The following PSEN1 variants were observed in gnomAD, a reference collection of about 807,000 sequenced individuals.
The protein encoded by PSEN1 is presenilin 1.
Under a neutral mutation model 53.5 loss-of-function variants are expected in PSEN1, and 15 were observed. The observed-to-expected ratio is 0.28, with a 90% CI of 0.19 to 0.43. The LOEUF (loss-of-function observed/expected upper bound fraction) is 0.43. Among genes scored for constraint, PSEN1 ranks in the 20% least tolerant of loss-of-function variants. The pLI, the probability that PSEN1 is intolerant of heterozygous loss-of-function variation, is 1.00. For missense variants in PSEN1, 387 were observed against 571.2 expected (o/e 0.68, Z 3.29); for synonymous variants, 208 against 209.8 (o/e 0.99, Z 0.08).
intron 1 of PSEN1, 174 bp from the exon 2 acceptor site, chr14:73,147,621 C>T: frequency 3.9e-6 from 1 of 254,310 alleles, no homozygotes; most frequent in Admixed American, 5.1e-5. Context: ...GGCGGTTCTA[C>T]TTATTGCTAA....
At chr14:73,164,606 A>G (rs1285685230) in intron 3 of PSEN1, among the ~76,000 whole-genome samples, 4 of 152,238 alleles carry the variant, frequency 2.6e-5, no homozygotes, top group Non-Finnish European at 5.9e-5. Flanking sequence ...AAGAGGTTAA[A>G]TAACTCGCCC....
At chr14:73,206,352 C>T (rs201787759) in intron 8 of PSEN1, 34 bp from the exon 9 acceptor site, 134 of 1,502,006 alleles carry the variant, frequency 8.9e-5, no homozygotes, top group Non-Finnish European at 1.2e-4. Context: ...TTTGTGTGTC[C>T]AGTGCTTACC....
chr14:73,172,061 T>C (rs1595000117), intron 4 of PSEN1, among the ~76,000 whole-genome samples: 1 of 152,310 alleles, frequency 6.6e-6, no homozygotes, highest in East Asian at 1.9e-4. Context: ...GGGTGAGGTG[T>C]ATAATAAATG....
At chr14:73,219,042 C>T in intron 11 of PSEN1, 92 bp from the exon 12 acceptor site, 1 of 1,336,688 alleles carries the variant, frequency 7.5e-7, no homozygotes, top group African/African-American at 1.4e-5. Flanking sequence ...ATTCAGTTAA[C>T]TATGTTAAAA....
At chr14:73,205,078 T>C (rs1253755181) in intron 8 of PSEN1, among the ~76,000 whole-genome samples, 1 of 152,242 alleles carries the variant, frequency 6.6e-6, no homozygotes, top group East Asian at 1.9e-4. Context: ...TTTGATTGTG[T>C]GTTTCTTTCA....
At chr14:73,163,299 T>C (rs1897611758) in intron 3 of PSEN1, among the ~76,000 whole-genome samples, 1 of 152,212 alleles carries the variant, frequency 6.6e-6, no homozygotes, top group South Asian at 2.1e-4. Flanking sequence ...ACAAGATGGC[T>C]GGACTCGATG....
chr14:73,190,657 A>G (rs753875361), intron 6 of PSEN1, among the ~76,000 whole-genome samples: 4 of 152,116 alleles, frequency 2.6e-5, no homozygotes, highest in East Asian at 1.9e-4. Flanking sequence ...AGGTGGAGAC[A>G]GGAGGACTGC....
chr14:73,186,388 A>T (rs1203706835), intron 5 of PSEN1, among the ~76,000 whole-genome samples: 1 of 152,140 alleles, frequency 6.6e-6, no homozygotes. Flanking sequence ...TCAGAAAAAA[A>T]AAAAGAATAT....
intron 10 of PSEN1, among the ~76,000 whole-genome samples, chr14:73,214,530 CAAAA>C (rs555608494): frequency 4.0e-5 from 3 of 74,092 alleles, no homozygotes; most frequent in Non-Finnish European, 6.0e-5. Context: ...AACTCCATCT[CAAAA>C]AAAAAAAAAA....
chr14:73,159,564 TC>T (rs1897466816), intron 3 of PSEN1, among the ~76,000 whole-genome samples: 1 of 152,228 alleles, frequency 6.6e-6, no homozygotes, highest in African/African-American at 2.4e-5. Flanking sequence ...TTCAATTGTT[TC>T]AGCACTGTTT....
chr14:73,168,042 C>G (rs1399274136), intron 3 of PSEN1: 2 of 152,204 alleles, frequency 1.3e-5, no homozygotes, highest in East Asian at 3.9e-4. Context: ...CTGCCATGCC[C>G]CTATCCTGTG....
chr14:73,183,978 T>A (rs1402308625), intron 5 of PSEN1, among the ~76,000 whole-genome samples: 3,337 of 122,400 alleles, frequency 0.027, 186 homozygotes, highest in African/African-American at 0.11. Flanking sequence ...GCAGAGGGGC[T>A]CCTCACTTCC....
chr14:73,170,973 T>C lies in PSEN1; in HGVS notation c.264T>C (p.Pro88=), dbSNP rs201113902. The change falls in exon 4 of 12, where the codon CCT becomes CCC. Residue 88 remains proline (P), a synonymous_variant. Transcript: ENST00000324501. The part of the protein sequence containing the change: ...GAKHVIMLFV[P]VTLCMVVVVA... Reference sequence around the variant, plus strand: ...AGCATGTGATCATGCTCTTTGTCCCTGTGACTCTCTGCATGGTGGTGGTCG... The same window carrying C: ...AGCATGTGATCATGCTCTTTGTCCCCGTGACTCTCTGCATGGTGGTGGTCG... 4.3e-6 allele frequency: 7 copies of C among 1,614,250 alleles called. No homozygotes were observed. In the East Asian group the frequency reaches 1.6e-4, roughly 36 times the overall value.
At chr14:73,205,733 A>G (rs1899428293) in intron 8 of PSEN1, among the ~76,000 whole-genome samples, 1 of 152,216 alleles carries the variant, frequency 6.6e-6, no homozygotes, top group Non-Finnish European at 1.5e-5. Context: ...TGCCTGAAAT[A>G]TATGAGAGAA....
intron 3 of PSEN1, among the ~76,000 whole-genome samples, chr14:73,163,722 G>T (rs371983982): frequency 4.6e-5 from 7 of 152,284 alleles, no homozygotes; most frequent in African/African-American, 1.4e-4. Flanking sequence ...GTGGGAGAAG[G>T]GCATTCCAGA....
At chr14:73,189,978 C>T (rs933429295) in intron 6 of PSEN1, 10 of 155,164 alleles carry the variant, frequency 6.4e-5, no homozygotes, top group South Asian at 1.9e-4. Context: ...AGGCCAACAA[C>T]GGGGTGGAGG....
chr14:73,170,092 G>A (rs923499428), intron 3 of PSEN1, among the ~76,000 whole-genome samples: 1 of 152,166 alleles, frequency 6.6e-6, no homozygotes, highest in Admixed American at 6.5e-5. Flanking sequence ...TGGTGTTGGC[G>A]GGGAGTGTCT....
chr14:73,155,765 C>T (rs930887248), intron 3 of PSEN1, among the ~76,000 whole-genome samples: 37 of 152,066 alleles, frequency 2.4e-4, no homozygotes, highest in African/African-American at 8.2e-4. Flanking sequence ...GCGATTCTCC[C>T]GTCTCGGCCT....
chr14:73,142,046 G>T (rs1171582233), intron 1 of PSEN1, among the ~76,000 whole-genome samples: 1 of 149,576 alleles, frequency 6.7e-6, no homozygotes, highest in Non-Finnish European at 1.5e-5. Context: ...CAGCCTGGGC[G>T]ACAGAGGGAG....
Sources: gnomAD v4.1 joint callset for allele counts (sites outside exome capture counted in the v4.1 genomes callset) on GRCh38, gnomAD v4.1.1 for gene constraint, MANE v1.5 for transcripts, NCBI Gene and HGNC (gene_info 2026-07-23, HGNC 2026-07-21) for gene names.